C4orf54: variants seen among roughly 807,000 people sequenced by gnomAD.
C4orf54 encodes the protein uncharacterized protein C4orf54.
C4orf54 carries 67 observed loss-of-function variants against 80.1 expected under a neutral mutation model. The ratio of observed to expected loss-of-function variants is 0.84; its 90% CI spans 0.69 to 1.03. The LOEUF (loss-of-function observed/expected upper bound fraction) is 1.03. Among genes scored for constraint, C4orf54 ranks in the 50% least tolerant of loss-of-function variants. The pLI is 0.00. For synonymous variants in C4orf54, 1,000 were observed against 917.0 expected (o/e 1.09, Z -1.64); for missense variants, 2,434 against 2,253.5 (o/e 1.08, Z -1.62).
In C4orf54 at chr4:99,654,416, G is replaced by T. The variant is rs941170339; in HGVS notation, c.233C>A (p.Ala78Glu). The T allele has an allele frequency of 2.5e-6, 2 of 802,374 alleles. No individual in the cohort carries two copies. Among genetic ancestry groups the T allele is most frequent in the African/African-American group, 1.7e-5 (1 of 58,880 alleles). 49.7% of individuals were successfully genotyped at this position (802,374 alleles called of 1,614,324 possible). The change falls in exon 2 of 3, where the codon GCG becomes GAG. Residue 78 changes from alanine (A) to glutamate (E), a missense_variant. Transcript: ENST00000511828. ...GTTCTTCAGCCCCTGTGGCGGGGCC[G>T]CAGCAAGCCTGAGGGAGGTGGGAAG... Reference protein sequence around the residue: ...RSLPTSLRLAAAPPQGLKNWE... With the variant: ...RSLPTSLRLAEAPPQGLKNWE...
chr4:99,654,734 C>A lies in C4orf54; in HGVS notation c.-31-55G>T, dbSNP rs1327530377. 9.7e-6 allele frequency: 6 copies of A among 616,882 alleles called. No homozygotes were observed. The Admixed American group carries it at 1.5e-4, about 15-fold the overall frequency. 38.2% of individuals were successfully genotyped at this position (616,882 alleles called of 1,614,324 possible). On this transcript the variant is annotated intron_variant, in intron 1 of 2. Transcript: ENST00000511828. ...TCCAGAAATATTTTTAGTGTCCATT[C>A]CGTAGTCATATCGAAACCACACTTG...
chr4:99,651,015 C>G lies in C4orf54; in HGVS notation c.3634G>C (p.Glu1212Gln). The part of the protein sequence containing the change: ...PVATIAPNKP[E>Q]QGSYLPVLKI... ...AGCACAGGCAGGTATGAGCCCTGCT[C>G]GGGCTTATTGGGGGCAATGGTAGCC... The change falls in exon 2 of 3, where the codon GAG (glutamate) becomes CAG (glutamine). Residue 1212 changes from glutamate (E) to glutamine (Q), a missense_variant. Transcript: ENST00000511828. 6.5e-7 allele frequency: 1 copy of G among 1,536,088 alleles called. No individual in the cohort carries two copies. Among genetic ancestry groups the G allele is most frequent in the South Asian group, 1.2e-5 (1 of 84,026 alleles).
In C4orf54 at chr4:99,650,114, C is replaced by G; in HGVS notation, c.4535G>C (p.Arg1512Pro). 1 of 1,535,722 alleles carries G rather than the reference C, an allele frequency of 6.5e-7. No individual in the cohort carries two copies. Among genetic ancestry groups the G allele is most frequent in the Non-Finnish European group, 8.7e-7 (1 of 1,146,822 alleles). The change falls in exon 2 of 3, where the codon CGC becomes CCC. Residue 1512 changes from arginine (R) to proline (P), a missense_variant. Coordinates refer to ENST00000511828, the MANE Select transcript of C4orf54 (RefSeq NM_001354435.2). The part of the protein sequence containing the change: ...TLCSLPPLSA[R>P]SQVPSSSKGS... Reference sequence around the variant, plus strand: ...TTTGGAGCTACTGGGGACCTGACTGCGGGCACTCAGCGGGGGTAAACTACA... The same window carrying G: ...TTTGGAGCTACTGGGGACCTGACTGGGGGCACTCAGCGGGGGTAAACTACA...
At chr4:99,648,554 A>AGTGT (rs60651888) in intron 2 of C4orf54, among the ~76,000 whole-genome samples, 3,933 of 145,790 alleles carry the variant, frequency 0.027, 89 homozygotes, top group African/African-American at 0.066. Context: ...TAGAGAACAA[A>AGTGT]GTGTGTGTGT....
Position 99,654,690 on chromosome 4 carries a change from C to T in C4orf54, c.-31-11G>A, listed in dbSNP as rs531271289. On this transcript the variant is annotated splice_polypyrimidine_tract_variant and intron_variant, in intron 1 of 2. Coordinates refer to ENST00000511828, the MANE Select transcript of C4orf54 (RefSeq NM_001354435.2). ...AGCCTTGTCCCTTTCCTGGATGGGG[C>T]GAGAGAAGGTCACGTCATTCCAGAA... The T allele has an allele frequency of 1.5e-5, 10 of 658,166 alleles. No homozygotes were observed. Among genetic ancestry groups the T allele is most frequent in the Admixed American group, 6.4e-5 (3 of 46,792 alleles). The allele number at this position is 658,166 out of a possible 1,614,324, so 40.8% of individuals were successfully genotyped here.
Position 99,650,187 on chromosome 4 carries a change from G to A in C4orf54, c.4462C>T (p.Pro1488Ser). ...GGGGGCCCCTCCCTGGAAGCCCCAG[G>A]CCTGCTAAGAAGCTCCCCTGCAGCA... ...SSAAGELLSRPGASREGPPNS... is the reference protein window; with the variant it reads ...SSAAGELLSRSGASREGPPNS... The change falls in exon 2 of 3, where the codon CCT becomes TCT. Residue 1488 changes from proline to serine, a missense_variant. By Grantham distance (74) the Pro-to-Ser change is moderately conservative. Transcript: ENST00000511828. 1 of 1,536,070 alleles carries A rather than the reference G, an allele frequency of 6.5e-7. No homozygotes were observed. The highest frequency in any genetic ancestry group is 8.7e-7 in the Non-Finnish European group (1 of 1,146,880).
Position 99,653,038 on chromosome 4 carries a change from A to G in C4orf54, c.1611T>C (p.Arg537=), listed in dbSNP as rs4699385. The G allele has an allele frequency of 0.2, 302,073 of 1,536,052 alleles. 32,384 individuals are homozygous for G. The highest frequency in any genetic ancestry group is 0.45 in the East Asian group (18,342 of 40,890). Residue 537 remains arginine, a synonymous_variant, in exon 2 of 3, where the codon CGT becomes CGC. Transcript: ENST00000511828. The part of the protein sequence containing the change: ...SRAINEPSNV[R]AKQNIIYAAK... The stretch of plus-strand genomic sequence containing the variant: ...CAGCATAAATAATGTTTTGCTTTGC[A>G]CGCACGTTGCTAGGCTCATTTATAG...
rs1578265428 is a variant in C4orf54 at position 99,638,768 on chromosome 4, T to C, written c.*2465A>G. 1 of 152,156 alleles carries C rather than the reference T, an allele frequency of 6.6e-6. No homozygotes were observed. The highest frequency in any genetic ancestry group is 2.1e-4 in the South Asian group (1 of 4,834). The allele number at this position is 152,156 out of a possible 1,614,324, so 9.4% of individuals were successfully genotyped here. A position where few individuals can be genotyped will look rare whatever the true frequency, so the allele number is the denominator to read the frequency against. The stretch of plus-strand genomic sequence containing the variant: ...CATGCCCGTGAAAATATTTTTTCCC[T>C]ATCACTGGAGGTAGTGAATGGCCTA... On this transcript the variant is annotated 3_prime_UTR_variant, in exon 3 of 3. Coordinates refer to ENST00000511828, the MANE Select transcript of C4orf54 (RefSeq NM_001354435.2).
At chr4:99,657,414 T>C (rs139685689) in intron 1 of C4orf54, among the ~76,000 whole-genome samples, 81 bp downstream of exon 1, 3 of 152,346 alleles carry the variant, frequency 2.0e-5, no homozygotes, top group Non-Finnish European at 4.4e-5. Context: ...CTGCAGCATC[T>C]TGCTTCCTCC....
In C4orf54 at chr4:99,639,603, G is replaced by A. The variant is rs538663915; in HGVS notation, c.*1630C>T. ...CATCAGCACAACAAGCAATTGAATC[G>A]TGATCAGAGCTGACTATTCCCGCCT... is the stretch of plus-strand genomic sequence containing the variant. On this transcript the variant is annotated 3_prime_UTR_variant, in exon 3 of 3. Coordinates refer to ENST00000511828, the MANE Select transcript of C4orf54 (RefSeq NM_001354435.2). 57 of 152,132 alleles carry A rather than the reference G, an allele frequency of 3.7e-4. No homozygotes were observed. The highest frequency in any genetic ancestry group is 6.5e-4 in the Admixed American group (10 of 15,290). 9.4% of individuals were successfully genotyped at this position (152,132 alleles called of 1,614,324 possible).
Position 99,653,617 on chromosome 4 carries a change from T to C in C4orf54, c.1032A>G (p.Thr344=). The change falls in exon 2 of 3, where the codon ACA becomes ACG. Residue 344 remains threonine, a synonymous_variant. Transcript: ENST00000511828. ...GGGGGGAGDG[T]ECRDIIAKSQ... Reference sequence around the variant, plus strand: ...ACTTGGCAATAATGTCCCTGCACTCTGTTCCATCTCCTGCCCCTCCTCCCC... The same window carrying C: ...ACTTGGCAATAATGTCCCTGCACTCCGTTCCATCTCCTGCCCCTCCTCCCC... 6.5e-7 allele frequency: 1 copy of C among 1,535,998 alleles called. No individual in the cohort carries two copies. The highest frequency in any genetic ancestry group is 8.7e-7 in the Non-Finnish European group (1 of 1,146,862).
In C4orf54 at chr4:99,650,464, C is replaced by A; in HGVS notation, c.4185G>T (p.Arg1395=). 2.0e-6 allele frequency: 3 copies of A among 1,536,090 alleles called. No individual in the cohort carries two copies. The highest frequency in any genetic ancestry group is 2.6e-6 in the Non-Finnish European group (3 of 1,146,898). Residue 1395 remains arginine, a synonymous_variant, in exon 2 of 3, where the codon CGG becomes CGT. Transcript: ENST00000511828. ...TGCTGGCACTCACTGTGAACACGTT[C>A]CGGTTGCTGGGGAGTGGTGGGAGGG... The part of the protein sequence containing the change: ...LQPLPPLPSN[R]NVFTVSASSI...
In C4orf54 at chr4:99,650,824, C is replaced by T. The variant is rs1162861404; in HGVS notation, c.3825G>A (p.Trp1275Ter). Reference sequence around the variant, plus strand: ...TAGGCAAGGGGTCGCTTTTGCGCTTCCACTCGTTCCTGTTGAAGCTGTACA... The same window carrying T: ...TAGGCAAGGGGTCGCTTTTGCGCTTTCACTCGTTCCTGTTGAAGCTGTACA... Reference protein sequence around the residue: ...EELYSFNRNEWKRKSDPLPMM... With the variant: ...EELYSFNRNE Residue 1275 changes from tryptophan (W) to a stop codon, truncating the protein, a stop_gained, in exon 2 of 3, where the codon TGG (tryptophan) becomes TGA (stop). Coordinates refer to ENST00000511828, the MANE Select transcript of C4orf54 (RefSeq NM_001354435.2). LOFTEE classifies it high-confidence loss of function. The T allele has an allele frequency of 6.5e-7, 1 of 1,536,078 alleles. No homozygotes were observed.
chr4:99,644,225 T>G (rs1303330165), intron 2 of C4orf54, among the ~76,000 whole-genome samples: 2 of 152,236 alleles, frequency 1.3e-5, no homozygotes, highest in Admixed American at 1.3e-4. Flanking sequence ...AGTACCTATC[T>G]GTGTTAATTC....
rs1726550811 is a variant in C4orf54 at position 99,638,604 on chromosome 4, G to T, written c.*2629C>A. Reference sequence around the variant, plus strand: ...CTAAAGGGACATTATTAGGGTAATAGTTTTATGGGTCAGAAGGCTTCATAG... The same window carrying T: ...CTAAAGGGACATTATTAGGGTAATATTTTTATGGGTCAGAAGGCTTCATAG... On this transcript the variant is annotated 3_prime_UTR_variant, in exon 3 of 3. Transcript: ENST00000511828. The T allele has an allele frequency of 2.0e-5, 3 of 152,140 alleles. No homozygotes were observed. The highest frequency in any genetic ancestry group is 1.5e-5 in the Non-Finnish European group (1 of 67,992). The allele number at this position is 152,140 out of a possible 1,614,324, so 9.4% of individuals were successfully genotyped here. A position where few individuals can be genotyped will look rare whatever the true frequency, so the allele number is the denominator to read the frequency against.
chr4:99,641,149 A>G lies in C4orf54; in HGVS notation c.*84T>C, dbSNP rs1726600924. Reference sequence around the variant, plus strand: ...TGAAATAATTCTTAGTGCTATTACAATGCAAATTCCAGATTAAAGAAGAAT... The same window carrying G: ...TGAAATAATTCTTAGTGCTATTACAGTGCAAATTCCAGATTAAAGAAGAAT... On this transcript the variant is annotated 3_prime_UTR_variant, in exon 3 of 3. Coordinates refer to ENST00000511828, the MANE Select transcript of C4orf54 (RefSeq NM_001354435.2). 6.6e-6 allele frequency: 1 copy of G among 152,156 alleles called. No individual in the cohort carries two copies. The highest frequency in any genetic ancestry group is 1.5e-5 in the Non-Finnish European group (1 of 67,980). 9.4% of individuals were successfully genotyped at this position (152,156 alleles called of 1,614,324 possible). A position where few individuals can be genotyped will look rare whatever the true frequency, so the allele number is the denominator to read the frequency against.
chr4:99,644,232 A>G (rs1339479365), intron 2 of C4orf54, among the ~76,000 whole-genome samples: 4 of 152,248 alleles, frequency 2.6e-5, no homozygotes, highest in African/African-American at 7.2e-5. Flanking sequence ...ATCTGTGTTA[A>G]TTCAATGATG....
At chr4:99,646,297 G>A (rs1295536123) in intron 2 of C4orf54, among the ~76,000 whole-genome samples, 1 of 152,154 alleles carries the variant, frequency 6.6e-6, no homozygotes, top group African/African-American at 2.4e-5. Flanking sequence ...CCGTATGTGG[G>A]TTTACGGCCC....
At chr4:99,642,046 T>C (rs1726615478) in intron 2 of C4orf54, among the ~76,000 whole-genome samples, 2 of 152,152 alleles carry the variant, frequency 1.3e-5, no homozygotes, top group Admixed American at 1.3e-4. Context: ...TGTTTAAATA[T>C]GTGTTTTAAA....
Sources: allele counts gnomAD v4.1 joint callset (sites outside exome capture counted in the v4.1 genomes callset), GRCh38; gene constraint gnomAD v4.1.1; transcripts MANE v1.5; gene names NCBI Gene and HGNC (gene_info 2026-07-23, HGNC 2026-07-21).